The following COL4A4 variants were observed in gnomAD, a reference collection of about 807,000 sequenced individuals.
The protein encoded by COL4A4 is collagen type IV alpha 4 chain, also known as collagen alpha-4(IV) chain.
COL4A4 carries 105 observed loss-of-function variants against 192.9 expected under a neutral mutation model. The ratio of observed to expected loss-of-function variants is 0.54; its 90% CI spans 0.46 to 0.64. COL4A4 has a LOEUF of 0.64. Among genes scored for constraint, COL4A4 ranks in the 30% least tolerant of loss-of-function variants. The pLI is 0.00. For missense variants in COL4A4, 1,967 were observed against 2,169.3 expected (o/e 0.91, Z 1.85); for synonymous variants, 762 against 769.9 (o/e 0.99, Z 0.17).
chr2:226,973,410 G>A, the COL4A4 span, among the ~76,000 whole-genome samples: 1 of 152,222 alleles, frequency 6.6e-6, no homozygotes, highest in Non-Finnish European at 1.5e-5. Flanking sequence ...TGGGAAAGTT[G>A]GGAAGTGAGT....
At chr2:227,050,430 A>G (rs1973829051) in intron 33 of COL4A4, among the ~76,000 whole-genome samples, 2 of 152,256 alleles carry the variant, frequency 1.3e-5, no homozygotes, top group African/African-American at 4.8e-5. Flanking sequence ...ACAAGTTGAT[A>G]CTAAATAAAA....
At chr2:227,030,314 A>C (rs1423095716) in intron 41 of COL4A4, 129 bp downstream of exon 41, 1 of 1,037,528 alleles carries the variant, frequency 9.6e-7, no homozygotes, top group East Asian at 2.4e-5. Flanking sequence ...TCTTTGGGGA[A>C]ATAAGGACAT....
chr2:227,140,896 C>A (rs931336560), intron 3 of COL4A4, among the ~76,000 whole-genome samples: 3 of 151,358 alleles, frequency 2.0e-5, no homozygotes, highest in African/African-American at 7.3e-5. Context: ...CACACACACA[C>A]ACACACACAC....
rs1559631181 is a variant in COL4A4 at position 227,103,821 on chromosome 2, TG to T, written c.816+150del. On this transcript the variant is annotated intron_variant, in intron 13 of 47. Coordinates refer to ENST00000396625, the MANE Select transcript of COL4A4 (RefSeq NM_000092.5). Reference sequence around the variant, plus strand: ...AAGCCTCATTTTCAATGCCGCACGATGGGGCCAACAGTAGTACCAACTTATT... The same window carrying T: ...AAGCCTCATTTTCAATGCCGCACGATGGGCCAACAGTAGTACCAACTTATT... The T allele has an allele frequency of 7.9e-5, 55 of 692,544 alleles. No homozygotes were observed. The East Asian group carries it at 1.2e-3, about 15-fold the overall frequency. 42.9% of individuals were successfully genotyped at this position (692,544 alleles called of 1,614,324 possible).
intron 37 of COL4A4, among the ~76,000 whole-genome samples, chr2:227,041,638 CA>C (rs549967665): frequency 4.4e-5 from 4 of 91,002 alleles, no homozygotes; most frequent in Non-Finnish European, 4.5e-5. Context: ...AAGACACCAT[CA>C]AAAAAAAAGA....
intron 13 of COL4A4, among the ~76,000 whole-genome samples, chr2:227,103,722 T>A (rs1219479807): frequency 2.0e-5 from 3 of 152,168 alleles, no homozygotes; most frequent in African/African-American, 7.2e-5. Context: ...AACAAGCACA[T>A]GTCATAATTT....
chr2:227,000,905 C>G (rs896972512), downstream of COL4A4, among the ~76,000 whole-genome samples: 21 of 152,148 alleles, frequency 1.4e-4, no homozygotes, highest in African/African-American at 5.1e-4. Context: ...AAGCTCTCTT[C>G]TCTTGTCAGC....
chr2:226,976,863 T>A, the COL4A4 span, among the ~76,000 whole-genome samples: 25 of 152,294 alleles, frequency 1.6e-4, no homozygotes, highest in African/African-American at 5.5e-4. Flanking sequence ...TTTTCCCCAC[T>A]TGGTGGCATT....
intron 9 of COL4A4, 72 bp from the exon 10 acceptor site, chr2:227,109,358 G>T: frequency 8.2e-7 from 1 of 1,222,898 alleles, no homozygotes; most frequent in Non-Finnish European, 1.2e-6. Flanking sequence ...AGTTGCGTGT[G>T]ATCCCATGTG....
At chr2:227,145,401 C>T (rs552240623) in intron 2 of COL4A4, among the ~76,000 whole-genome samples, 10 of 152,282 alleles carry the variant, frequency 6.6e-5, no homozygotes, top group Admixed American at 5.2e-4. Context: ...GAGCCGAGAT[C>T]GTGCCACTGC....
chr2:227,065,938 G>A (rs995108578), intron 25 of COL4A4, among the ~76,000 whole-genome samples: 28 of 152,190 alleles, frequency 1.8e-4, no homozygotes, highest in Admixed American at 1.8e-3. Context: ...AGCTACGGGG[G>A]AACATTCAAA....
chr2:227,153,508 G>A lies in COL4A4; in HGVS notation c.-101-5924C>T, dbSNP rs771075642. ...CCTGATTTTGTCTCCCCAGCCACAC[G>A]GAAAGGCTCGAGATAAGCCACTGAC... On this transcript the variant is annotated intron_variant, in intron 1 of 47. Coordinates refer to ENST00000396625, the MANE Select transcript of COL4A4 (RefSeq NM_000092.5). 6.6e-5 allele frequency among the ~76,000 whole-genome samples: 10 copies of A among 152,280 alleles called. No individual in the cohort carries two copies. The East Asian group carries it at 1.2e-3, about 18-fold the overall frequency.
At chr2:226,990,005 C>T in the COL4A4 span, among the ~76,000 whole-genome samples, 11 of 152,206 alleles carry the variant, frequency 7.2e-5, no homozygotes, top group African/African-American at 2.7e-4. Context: ...TCTAAAGTCA[C>T]ATCTAAATAT....
In COL4A4 at chr2:227,041,779, G is replaced by GGAAAGAAAGA. The variant is rs1559476028; in HGVS notation, c.3505+368_3505+369insTCTTTCTTTC. On this transcript the variant is annotated intron_variant, in intron 37 of 47. Coordinates refer to ENST00000396625, the MANE Select transcript of COL4A4 (RefSeq NM_000092.5). ...GGAAGGAAGGAAGGAAGGAAGGAAG[G>GGAAAGAAAGA]AAGGAAGGGAAAGAAAGAAAGAAAG... 6.7e-4 allele frequency among the ~76,000 whole-genome samples: 42 copies of GGAAAGAAAGA among 62,574 alleles called. 5 individuals are homozygous for GGAAAGAAAGA. In the East Asian group the frequency reaches 7.9e-3, roughly 12 times the overall value. 41.1% of individuals were successfully genotyped at this position (62,574 alleles called of 152,430 possible).
chr2:227,025,888 T>C, intron 42 of COL4A4, 78 bp from the exon 43 acceptor site: 1 of 1,363,724 alleles, frequency 7.3e-7, no homozygotes, highest in South Asian at 1.2e-5. Context: ...ATTTGTGGAT[T>C]AGGACAAAAA....
At chr2:227,060,114 A>AAC in intron 27 of COL4A4, 22 bp downstream of exon 27, 14 of 1,289,662 alleles carry the variant, frequency 1.1e-5, no homozygotes, top group South Asian at 1.3e-5. Context: ...AAAAAAAAAA[A>AAC]AAAAAAAAAA....
At chr2:227,087,527 A>G (rs979322368) in intron 22 of COL4A4, among the ~76,000 whole-genome samples, 2 of 151,944 alleles carry the variant, frequency 1.3e-5, no homozygotes, top group Admixed American at 1.3e-4. Flanking sequence ...TTTTCCTTAT[A>G]TCCTATGTCC....
chr2:227,141,595 T>C (rs891895251), intron 3 of COL4A4, among the ~76,000 whole-genome samples: 1 of 152,168 alleles, frequency 6.6e-6, no homozygotes, highest in East Asian at 1.9e-4. Context: ...AAAGAAAATA[T>C]CTTTAAGCAT....
At chr2:227,161,257 T>C (rs1229079532) in intron 1 of COL4A4, among the ~76,000 whole-genome samples, 1 of 152,198 alleles carries the variant, frequency 6.6e-6, no homozygotes, top group Non-Finnish European at 1.5e-5. Context: ...CATTGAAATG[T>C]AGTGAAGCAG....
Sources: allele counts gnomAD v4.1 joint callset (sites outside exome capture counted in the v4.1 genomes callset), GRCh38; gene constraint gnomAD v4.1.1; transcripts MANE v1.5; gene names NCBI Gene and HGNC (gene_info 2026-07-23, HGNC 2026-07-21).